The following L3MBTL3 variants were observed in gnomAD, a reference collection of about 807,000 sequenced individuals.
L3MBTL3 encodes the protein L3MBTL histone methyl-lysine binding protein 3, also known as lethal(3)malignant brain tumor-like protein 3.
A neutral mutation model predicts 102.3 loss-of-function variants in L3MBTL3; 27 were observed. The ratio of observed to expected loss-of-function variants is 0.26; its 90% CI spans 0.19 to 0.36. L3MBTL3 has a LOEUF of 0.36. Ranked by LOEUF, L3MBTL3 falls within the 10% of genes least tolerant of loss-of-function variation. The probability of loss-of-function intolerance (pLI) is 1.00; values close to 1 mark genes in which losing one functional copy is unlikely to be tolerated. For missense variants in L3MBTL3, 798 were observed against 955.3 expected, an observed-to-expected ratio of 0.84 and a Z score of 2.17; for synonymous variants, 340 against 320.9, an observed-to-expected ratio of 1.06 and a Z score of -0.64.
chr6:130,066,284 G>GTATATATA, intron 10 of L3MBTL3, 69 bp from the exon 11 acceptor site: 1 of 268,670 alleles, frequency 3.7e-6, no homozygotes, highest in Non-Finnish European at 5.6e-6. Context: ...GTTTATTTTT[G>GTATATATA]TGTATATATA....
chr6:130,064,853 C>T (rs1782144788), intron 10 of L3MBTL3, among the ~76,000 whole-genome samples: 1 of 152,184 alleles, frequency 6.6e-6, no homozygotes, highest in African/African-American at 2.4e-5. Flanking sequence ...GAGAGCTTGG[C>T]TCAAGGGAGC....
At chr6:130,053,075 C>A in intron 7 of L3MBTL3, 84 bp downstream of exon 7, 1 of 1,063,324 alleles carries the variant, frequency 9.4e-7, no homozygotes, top group South Asian at 1.4e-5. Flanking sequence ...CTCTGGAGCC[C>A]ACTGAGTTCA....
chr6:130,100,039 C>T (rs1784588419), intron 18 of L3MBTL3, among the ~76,000 whole-genome samples: 1 of 152,076 alleles, frequency 6.6e-6, no homozygotes, highest in South Asian at 2.1e-4. Flanking sequence ...ACTATTCACC[C>T]ATATAGTATA....
At chr6:130,127,007 A>G (rs1182253083) in intron 20 of L3MBTL3, among the ~76,000 whole-genome samples, 1 of 152,184 alleles carries the variant, frequency 6.6e-6, no homozygotes, top group Non-Finnish European at 1.5e-5. Context: ...CCAAAGAACA[A>G]TGGCCTGGGA....
chr6:130,069,207 T>C (rs1364292537), intron 12 of L3MBTL3, among the ~76,000 whole-genome samples: 1 of 152,188 alleles, frequency 6.6e-6, no homozygotes, highest in Non-Finnish European at 1.5e-5. Flanking sequence ...AGCCCAGCTT[T>C]CTCTCTAGTA....
intron 12 of L3MBTL3, among the ~76,000 whole-genome samples, chr6:130,069,598 C>T (rs1190678291): frequency 6.6e-6 from 1 of 152,156 alleles, no homozygotes; most frequent in Non-Finnish European, 1.5e-5. Flanking sequence ...AGTGCATTGT[C>T]AGTTGGTATT....
rs542681807 is a variant in L3MBTL3 at position 130,060,132 on chromosome 6, G to A, written c.856G>A (p.Val286Ile). The A allele has an allele frequency of 1.5e-5, 24 of 1,584,934 alleles. No individual in the cohort carries two copies. Among genetic ancestry groups the A allele is most frequent in the Admixed American group, 7.0e-5 (4 of 57,240 alleles). ...TCAGTCTGTGTACTGTGTCCTCACC[G>A]TCGCGGAGGTAAGCTTTGCCTCGTC... ...EHQSVYCVLTVAEVCGYRIKL... is the reference protein window; with the variant it reads ...EHQSVYCVLTIAEVCGYRIKL... The change falls in exon 10 of 23, where the codon GTC (valine) becomes ATC (isoleucine). Residue 286 changes from valine to isoleucine, a missense_variant. Val to Ile is a conservative substitution (Grantham distance 29). Around this residue, in one of 4 missense-constraint regions of L3MBTL3, gnomAD observed 434 missense variants for 506.6 expected, o/e 0.86. Coordinates refer to ENST00000361794, the MANE Select transcript of L3MBTL3 (RefSeq NM_032438.4).
At chr6:130,042,905 AGTGGTGTAGGTTTTAGATGAT>A (rs1780513717) in intron 3 of L3MBTL3, 104 bp downstream of exon 3, 1 of 757,988 alleles carries the variant, frequency 1.3e-6, no homozygotes. Flanking sequence ...CATTAATCAT[AGTGGTGTAGGTTTTAGATGAT>A]GCTTAGACCT....
At chr6:130,058,976 T>A (rs909410030) in intron 9 of L3MBTL3, among the ~76,000 whole-genome samples, 13 of 152,316 alleles carry the variant, frequency 8.5e-5, no homozygotes, top group African/African-American at 3.1e-4. Flanking sequence ...ACATCTGCAT[T>A]AAGAATATTT....
chr6:130,041,206 T>G (rs954117286), intron 2 of L3MBTL3, among the ~76,000 whole-genome samples: 5 of 152,216 alleles, frequency 3.3e-5, no homozygotes, highest in African/African-American at 9.6e-5. Flanking sequence ...CAACAGGCTT[T>G]CTTTCTCTGA....
chr6:130,085,081 C>T (rs965802473), intron 15 of L3MBTL3, among the ~76,000 whole-genome samples: 2 of 152,130 alleles, frequency 1.3e-5, no homozygotes, highest in Non-Finnish European at 1.5e-5. Flanking sequence ...CCACCCACCT[C>T]GGCCTCCCAA....
At chr6:130,083,201 A>G (rs2115117682) in intron 14 of L3MBTL3, among the ~76,000 whole-genome samples, 1 of 152,282 alleles carries the variant, frequency 6.6e-6, no homozygotes. Flanking sequence ...TTTAATAAGT[A>G]CTTTCTGCTT....
chr6:130,086,212 G>C lies in L3MBTL3; in HGVS notation c.1480G>C (p.Val494Leu). 6.2e-7 allele frequency: 1 copy of C among 1,612,942 alleles called. No individual in the cohort carries two copies. ...CAAAAGGAACCCTATGTTTATTAGA[G>C]TAGCAACTGTGGCAGACACAGATGA... ...VDKRNPMFIR[V>L]ATVADTDDHR... The change falls in exon 16 of 23, where the codon GTA becomes CTA. Residue 494 changes from valine (V) to leucine (L), a missense_variant. By Grantham distance (32) the Val-to-Leu change is conservative. Around this residue, in one of 4 missense-constraint regions of L3MBTL3, gnomAD observed 306 missense variants for 314.4 expected, o/e 0.97. Coordinates refer to ENST00000361794, the MANE Select transcript of L3MBTL3 (RefSeq NM_032438.4).
At chr6:130,106,521 C>G (rs1277572269) in intron 19 of L3MBTL3, among the ~76,000 whole-genome samples, 1 of 152,182 alleles carries the variant, frequency 6.6e-6, no homozygotes, top group Non-Finnish European at 1.5e-5. Context: ...TTGAGCCTCC[C>G]TTTCTGCCAC....
At chr6:130,048,229 A>G (rs768534137) in intron 3 of L3MBTL3, among the ~76,000 whole-genome samples, 6 of 152,226 alleles carry the variant, frequency 3.9e-5, no homozygotes, top group Non-Finnish European at 7.3e-5. Context: ...CCTTGCTTAA[A>G]TACTCATAAT....
chr6:130,083,500 G>A (rs898914741), intron 14 of L3MBTL3, 120 bp from the exon 15 acceptor site: 8 of 493,274 alleles, frequency 1.6e-5, no homozygotes, highest in African/African-American at 8.3e-5. Flanking sequence ...GAGTAAAGTT[G>A]TCATGTATAT....
intron 3 of L3MBTL3, among the ~76,000 whole-genome samples, chr6:130,044,500 T>C (rs1780612365): frequency 6.6e-6 from 1 of 152,192 alleles, no homozygotes; most frequent in African/African-American, 2.4e-5. Flanking sequence ...TGTATTGCTT[T>C]AAGGTTTTCT....
At chr6:130,034,086 A>T (rs747599649) in intron 2 of L3MBTL3, among the ~76,000 whole-genome samples, 4 of 152,136 alleles carry the variant, frequency 2.6e-5, no homozygotes, top group Non-Finnish European at 1.5e-5. Context: ...CAGCCTCTTT[A>T]TTTTGAATAT....
intron 2 of L3MBTL3, among the ~76,000 whole-genome samples, chr6:130,040,994 T>C (rs1780385147): frequency 6.6e-6 from 1 of 152,222 alleles, no homozygotes; most frequent in South Asian, 2.1e-4. Flanking sequence ...TTTTATCCTC[T>C]CTTGGTTTTG....
Sources: gnomAD v4.1 joint callset for allele counts (sites outside exome capture counted in the v4.1 genomes callset) on GRCh38, gnomAD v4.1.1 for gene constraint, gnomAD v4.1.1 regional missense constraint, MANE v1.5 for transcripts, NCBI Gene and HGNC (gene_info 2026-07-23, HGNC 2026-07-21) for gene names.